Variants in PPFIA4 observed in about 807,000 individuals in gnomAD.
PPFIA4 encodes PPFI scaffold protein A4, also known as liprin-alpha-4.
PPFIA4 carries 98 observed loss-of-function variants against 145.7 expected under a neutral mutation model. That is an observed-to-expected ratio of 0.67 (90% confidence interval 0.57 to 0.80). The LOEUF (loss-of-function observed/expected upper bound fraction) is 0.80, where lower values mean the gene tolerates loss of function less well. Ranked by LOEUF, PPFIA4 falls within the 30% of genes least tolerant of loss-of-function variation. The pLI is 0.00. For synonymous variants in PPFIA4, 628 were observed against 649.6 expected (o/e 0.97, Z 0.51); for missense variants, 1,457 against 1,632.7 (o/e 0.89, Z 1.85).
chr1:203,044,504 T>C, intron 5 of PPFIA4, 51 bp downstream of exon 5: 1 of 1,516,688 alleles, frequency 6.6e-7, no homozygotes, highest in South Asian at 1.2e-5. Context: ...TCCAGGCTGG[T>C]TCACCCCTGT....
In PPFIA4 at chr1:203,059,805, T is replaced by C; in HGVS notation, c.2537T>C (p.Met846Thr). Residue 846 changes from methionine (M) to threonine (T), a missense_variant, in exon 21 of 30, where the codon ATG becomes ACG. Around this residue, in one of 3 missense-constraint regions of PPFIA4, gnomAD observed 848 missense variants for 1,046.7 expected, o/e 0.81. Transcript: ENST00000295706. ...QLLEDARRKG[M>T]PFAQWDGPTV... ...CTTGAAGATGCCCGCAGGAAAGGAA[T>C]GCCCTTTGCCCAGTGGGATGGTCCT... is the stretch of plus-strand genomic sequence containing the variant. 1 of 1,613,556 alleles carries C rather than the reference T, an allele frequency of 6.2e-7. No homozygotes were observed.
At chr1:203,056,276 C>G in intron 17 of PPFIA4, 99 bp from the exon 18 acceptor site, 1 of 1,598,284 alleles carries the variant, frequency 6.3e-7, no homozygotes, top group South Asian at 1.1e-5. Context: ...CCCAGGGCCT[C>G]CCCACTGCAT....
chr1:203,053,099 C>T lies in PPFIA4; in HGVS notation c.1621-654C>T, dbSNP rs550810366. ...TATTTTACAGATGAAGAAACTGAGG[C>T]ACAGAGAGGTTAAAAAATGTTCCTA... On this transcript the variant is annotated intron_variant, in intron 14 of 29. Coordinates refer to ENST00000295706, the MANE Select transcript of PPFIA4 (RefSeq NM_001304331.2). Among the ~76,000 whole-genome samples, 7 of 152,272 alleles carry T rather than the reference C, an allele frequency of 4.6e-5. No individual in the cohort carries two copies. The South Asian group carries it at 1.0e-3, about 23-fold the overall frequency.
intron 28 of PPFIA4, among the ~76,000 whole-genome samples, chr1:203,074,177 A>T (rs1662364594): frequency 6.6e-6 from 1 of 152,140 alleles, no homozygotes; most frequent in Admixed American, 6.5e-5. Flanking sequence ...AGCTACGGGG[A>T]TAAGTTCTGA....
At chr1:203,049,835 C>A in intron 13 of PPFIA4, 68 bp downstream of exon 13, 1 of 1,341,148 alleles carries the variant, frequency 7.5e-7, no homozygotes, top group Non-Finnish European at 9.9e-7. Context: ...AGGAGACTTC[C>A]TTCCAACAAA....
intron 29 of PPFIA4, chr1:203,076,140 C>T (rs1047569716): frequency 4.7e-6 from 3 of 638,878 alleles, no homozygotes; most frequent in Non-Finnish European, 8.2e-6. Flanking sequence ...ACGCACCTGC[C>T]CTTGGCTGCC....
At chr1:203,054,289 A>G (rs1199329069) in intron 15 of PPFIA4, among the ~76,000 whole-genome samples, 2 of 152,182 alleles carry the variant, frequency 1.3e-5, no homozygotes, top group East Asian at 1.9e-4. Flanking sequence ...TCAGGGTGAG[A>G]GCTTTGTAAA....
chr1:203,059,151 C>T (rs951168549), intron 19 of PPFIA4, 27 bp from the exon 20 acceptor site: 1 of 1,462,028 alleles, frequency 6.8e-7, no homozygotes, highest in Non-Finnish European at 9.4e-7. Context: ...GAGGGGCTGG[C>T]TGACACACAC....
rs948122345 is a variant in PPFIA4, at chr1:203,075,117, C to T, written c.3394-460C>T. ...GATTAGAAGCCAGGTGTCTGACTCC[C>T]GCCCGACATAGTACTCTTCTGGTAT... On this transcript the variant is annotated intron_variant, in intron 28 of 29. Transcript: ENST00000295706. The surrounding 1 kb of genome is among the most constrained non-coding windows in gnomAD (Gnocchi z 4.1). 4.6e-5 allele frequency among the ~76,000 whole-genome samples: 7 copies of T among 152,226 alleles called. No individual in the cohort carries two copies. Among genetic ancestry groups the T allele is most frequent in the East Asian group, 1.9e-4 (1 of 5,184 alleles).
intron 6 of PPFIA4, 111 bp downstream of exon 6, chr1:203,044,896 C>T: frequency 1.1e-6 from 1 of 881,380 alleles, no homozygotes; most frequent in South Asian, 1.5e-5. Context: ...AAATTTGAGG[C>T]TTTCTCTGAT....
At chr1:203,047,051 G>A (rs778652929) in intron 9 of PPFIA4, among the ~76,000 whole-genome samples, 4 of 152,212 alleles carry the variant, frequency 2.6e-5, no homozygotes, top group East Asian at 1.9e-4. Context: ...ATTTAGGAGC[G>A]TTTTCAGCTG....
Position 203,075,396 on chromosome 1 carries a change from C to T in PPFIA4, c.3394-181C>T, listed in dbSNP as rs1043691607. ...AGGGAATTTCAGAGTCGCAGGGTTT[C>T]CCGATTCACTGTACAGATGGAAAAA... On this transcript the variant is annotated intron_variant, in intron 28 of 29. Coordinates refer to ENST00000295706, the MANE Select transcript of PPFIA4 (RefSeq NM_001304331.2). The surrounding 1 kb of genome is among the most constrained non-coding windows in gnomAD (Gnocchi z 4.1). Among the ~76,000 whole-genome samples, 3 of 151,330 alleles carry T rather than the reference C, an allele frequency of 2.0e-5. No homozygotes were observed. Among genetic ancestry groups the T allele is most frequent in the Non-Finnish European group, 2.9e-5 (2 of 67,862 alleles).
intron 1 of PPFIA4, among the ~76,000 whole-genome samples, chr1:203,031,645 C>T (rs1410740894): frequency 6.6e-5 from 10 of 152,198 alleles, no homozygotes; most frequent in Non-Finnish European, 1.0e-4. Flanking sequence ...GGTTGATCTA[C>T]GAATGCAGTG....
chr1:203,068,759 G>A lies in PPFIA4; in HGVS notation c.3324+131G>A. On this transcript the variant is annotated intron_variant, in intron 27 of 29. Transcript: ENST00000295706. This position sits in a 1 kb window ranked among gnomAD's most constrained non-coding sequence, Gnocchi z 4.7. ...GCTTTTCTAGGGCCTATGCCAGAGG[G>A]GATCGCAATGTCCTCAATTCTCCAA... 1 of 917,420 alleles carries A rather than the reference G, an allele frequency of 1.1e-6. No homozygotes were observed. Among genetic ancestry groups the A allele is most frequent in the Non-Finnish European group, 1.5e-6 (1 of 654,226 alleles). 56.8% of individuals were successfully genotyped at this position (917,420 alleles called of 1,614,324 possible).
At chr1:203,033,538 G>A (rs914694811) in intron 1 of PPFIA4, among the ~76,000 whole-genome samples, 2 of 152,176 alleles carry the variant, frequency 1.3e-5, no homozygotes, top group Non-Finnish European at 2.9e-5. Flanking sequence ...AGCTGTCTGA[G>A]GTGGGTACTG....
chr1:203,068,960 C>T lies in PPFIA4; in HGVS notation c.3324+332C>T, dbSNP rs1456178689. Reference sequence around the variant, plus strand: ...AGCTGAGACTCTGAGCCTTCCTTTTCATCCTGCTTCTCTGATCTGACTTTT... The same window carrying T: ...AGCTGAGACTCTGAGCCTTCCTTTTTATCCTGCTTCTCTGATCTGACTTTT... On this transcript the variant is annotated intron_variant, in intron 27 of 29. Transcript: ENST00000295706. This position sits in a 1 kb window ranked among gnomAD's most constrained non-coding sequence, Gnocchi z 4.7. Among the ~76,000 whole-genome samples, 1 of 152,190 alleles carries T rather than the reference C, an allele frequency of 6.6e-6. No homozygotes were observed. The highest frequency in any genetic ancestry group is 1.9e-4 in the East Asian group (1 of 5,198).
intron 14 of PPFIA4, among the ~76,000 whole-genome samples, chr1:203,052,237 A>T (rs1260431272): frequency 1.3e-5 from 2 of 151,994 alleles, no homozygotes; most frequent in African/African-American, 4.8e-5. Flanking sequence ...TCTGGAACAA[A>T]AGCTGTGGTT....
Position 203,055,558 on chromosome 1 carries a change from T to C in PPFIA4, c.1956T>C (p.Ser652=). ...QLRKRGSIPT[S]LTALSLASAS... is the part of the protein sequence containing the mutation. ...GCAAGCGTGGTTCCATCCCCACCTCTCTGACGGCCCTGTCCCTGGCCAGCG... is the reference window on the plus strand; with the variant it reads ...GCAAGCGTGGTTCCATCCCCACCTCCCTGACGGCCCTGTCCCTGGCCAGCG... The change falls in exon 16 of 30, where the codon TCT becomes TCC. Residue 652 remains serine, a synonymous_variant. Transcript: ENST00000295706. The surrounding 1 kb of genome is among the most constrained non-coding windows in gnomAD (Gnocchi z 4.8). 1 of 1,613,970 alleles carries C rather than the reference T, an allele frequency of 6.2e-7. No individual in the cohort carries two copies. The highest frequency in any genetic ancestry group is 8.5e-7 in the Non-Finnish European group (1 of 1,179,870).
At chr1:203,027,174 G>C (rs1421614208) in intron 1 of PPFIA4, among the ~76,000 whole-genome samples, 5 of 152,158 alleles carry the variant, frequency 3.3e-5, no homozygotes, top group African/African-American at 4.8e-5. Flanking sequence ...CGCAGTGCCA[G>C]GGCGGTGGGG....
Sources: gnomAD v4.1 joint callset for allele counts (sites outside exome capture counted in the v4.1 genomes callset) on GRCh38, gnomAD v4.1.1 for gene constraint, gnomAD v4.1.1 regional missense constraint, Gnocchi (gnomAD v3.1) non-coding constraint, MANE v1.5 for transcripts, NCBI Gene and HGNC (gene_info 2026-07-23, HGNC 2026-07-21) for gene names.